Variants in VWA3B observed in about 807,000 individuals in gnomAD.
The protein encoded by VWA3B is von Willebrand factor A domain containing 3B.
In VWA3B, 138 loss-of-function variants were observed where a neutral mutation model predicts 158.3. That is an observed-to-expected ratio of 0.87 (90% CI 0.76 to 1.00). VWA3B has a LOEUF of 1.00. Among genes scored for constraint, VWA3B ranks in the 50% least tolerant of loss-of-function variants. The pLI, the probability that VWA3B is intolerant of heterozygous loss-of-function variation, is 0.00. For synonymous variants in VWA3B, 596 were observed against 587.3 expected (o/e 1.01, Z -0.21); for missense variants, 1,555 against 1,565.1 (o/e 0.99, Z 0.11).
chr2:98,117,212 G>C (rs1015345356), intron 3 of VWA3B, among the ~76,000 whole-genome samples: 3 of 152,324 alleles, frequency 2.0e-5, no homozygotes, highest in Admixed American at 6.5e-5. Flanking sequence ...TCTTGCACTG[G>C]TTCTTTCTCA....
At chr2:98,269,569 A>T (rs968180434) in intron 21 of VWA3B, 1 of 152,202 alleles carries the variant, frequency 6.6e-6, no homozygotes, top group Middle Eastern at 3.2e-3. Flanking sequence ...TCTTCTCCAA[A>T]GGAGGAGCCA....
At chr2:98,147,035 C>G (rs1677224517) in intron 7 of VWA3B, among the ~76,000 whole-genome samples, 1 of 152,126 alleles carries the variant, frequency 6.6e-6, no homozygotes, top group South Asian at 2.1e-4. Context: ...AATACTTAGC[C>G]CATCTATTCT....
At chr2:98,194,285 T>C in intron 11 of VWA3B, 76 bp from the exon 12 acceptor site, 1 of 1,467,746 alleles carries the variant, frequency 6.8e-7, no homozygotes. Flanking sequence ...GATTAAAATA[T>C]ATCAAACTGT....
At chr2:98,244,908 TCA>T (rs76672949) in intron 19 of VWA3B, among the ~76,000 whole-genome samples, 5,908 of 152,208 alleles carry the variant, frequency 0.039, 170 homozygotes, top group Middle Eastern at 0.075. Context: ...TCTAACAGAA[TCA>T]GCCCAAACTG....
At chr2:98,156,348 T>A (rs1389262475) in intron 7 of VWA3B, among the ~76,000 whole-genome samples, 2 of 152,198 alleles carry the variant, frequency 1.3e-5, no homozygotes, top group Non-Finnish European at 2.9e-5. Flanking sequence ...CTCCTAGAAC[T>A]TGCTCATTCC....
chr2:98,224,995 G>T (rs911861572), intron 14 of VWA3B, among the ~76,000 whole-genome samples: 1 of 152,156 alleles, frequency 6.6e-6, no homozygotes, highest in Non-Finnish European at 1.5e-5. Context: ...GCGCAGTGGT[G>T]CAATCTTGGC....
In VWA3B at chr2:98,129,324, GGAGA is replaced by G. The variant is rs144781077; in HGVS notation, c.872+926_872+929del. ...GAGGAGAGAGACATTGTGTGTGTGT[GGAGA>G]GAGAGAGAGCAGAGAGACGGAGAAA... On this transcript the variant is annotated intron_variant, in intron 6 of 27. Transcript: ENST00000477737. Among the ~76,000 whole-genome samples the G allele has an allele frequency of 1.0e-3, 158 of 151,104 alleles. 1 individual carries two copies. The highest frequency in any genetic ancestry group is 0.01 in the Middle Eastern group (3 of 292).
chr2:98,131,857 A>G (rs553579637), intron 6 of VWA3B, among the ~76,000 whole-genome samples: 27 of 152,186 alleles, frequency 1.8e-4, no homozygotes, highest in Non-Finnish European at 3.7e-4. Context: ...CAGGAATTCT[A>G]ATTTTCAAGA....
At chr2:98,242,755 A>G (rs563463336) in intron 19 of VWA3B, among the ~76,000 whole-genome samples, 1 of 149,606 alleles carries the variant, frequency 6.7e-6, no homozygotes, top group Non-Finnish European at 1.5e-5. Context: ...AGCATTTGCT[A>G]TCATCAAATA....
At chr2:98,284,370 C>G (rs1689048934) in intron 22 of VWA3B, among the ~76,000 whole-genome samples, 1 of 152,184 alleles carries the variant, frequency 6.6e-6, no homozygotes, top group Non-Finnish European at 1.5e-5. Context: ...ATGGCTACAA[C>G]AGAACCCAGT....
At chr2:98,233,176 A>G (rs779734587) in intron 16 of VWA3B, among the ~76,000 whole-genome samples, 2 of 152,148 alleles carry the variant, frequency 1.3e-5, no homozygotes, top group Non-Finnish European at 2.9e-5. Flanking sequence ...TTAATGGCCA[A>G]TTGTCACTGC....
intron 10 of VWA3B, among the ~76,000 whole-genome samples, chr2:98,188,474 T>A (rs1169438386): frequency 2.0e-5 from 3 of 152,062 alleles, no homozygotes; most frequent in Admixed American, 6.5e-5. Flanking sequence ...ACTTTTGTAT[T>A]CGCTAACCAA....
Position 98,231,699 on chromosome 2 carries a change from A to G in VWA3B, c.2308+1492A>G, listed in dbSNP as rs537025434. Among the ~76,000 whole-genome samples, 117 of 152,368 alleles carry G rather than the reference A, an allele frequency of 7.7e-4. 1 individual carries two copies. In the South Asian group the frequency reaches 7.9e-3, roughly 10 times the overall value. ...CATTTCTAGCTTTCTGAGAGTTTTT[A>G]TCATGAATGGATGCTGGATTTTATC... On this transcript the variant is annotated intron_variant, in intron 16 of 27. Coordinates refer to ENST00000477737, the MANE Select transcript of VWA3B (RefSeq NM_144992.5).
intron 21 of VWA3B, among the ~76,000 whole-genome samples, chr2:98,263,176 T>C (rs769777328): frequency 2.0e-5 from 3 of 151,938 alleles, no homozygotes; most frequent in Non-Finnish European, 4.4e-5. Context: ...GTGGAATCTT[T>C]AGGGTTTTCT....
chr2:98,252,456 G>C (rs551016286), intron 20 of VWA3B, among the ~76,000 whole-genome samples: 1 of 152,130 alleles, frequency 6.6e-6, no homozygotes, highest in East Asian at 1.9e-4. Context: ...CCTGATGCAG[G>C]GCCACGAGCT....
chr2:98,161,898 G>A (rs188210017), intron 7 of VWA3B, among the ~76,000 whole-genome samples: 199 of 152,208 alleles, frequency 1.3e-3, no homozygotes, highest in African/African-American at 3.9e-3. Flanking sequence ...GTAGAGACGG[G>A]GTTTCACCAT....
At chr2:98,269,927 A>T (rs537851435) in intron 21 of VWA3B, among the ~76,000 whole-genome samples, 1 of 152,312 alleles carries the variant, frequency 6.6e-6, no homozygotes, top group African/African-American at 2.4e-5. Flanking sequence ...CTCTTCCAAA[A>T]TCCAACATCT....
chr2:98,178,631 A>G (rs866633835), intron 8 of VWA3B, among the ~76,000 whole-genome samples: 1 of 152,328 alleles, frequency 6.6e-6, no homozygotes, highest in Middle Eastern at 3.4e-3. Flanking sequence ...GGGGTTACCA[A>G]GTCATAACTG....
At chr2:98,197,037 C>G (rs1291022761) in intron 12 of VWA3B, among the ~76,000 whole-genome samples, 1 of 152,122 alleles carries the variant, frequency 6.6e-6, no homozygotes, top group Non-Finnish European at 1.5e-5. Flanking sequence ...CACTAATGTT[C>G]CTTTTATGTT....
Sources: allele counts gnomAD v4.1 joint callset (sites outside exome capture counted in the v4.1 genomes callset), GRCh38; gene constraint gnomAD v4.1.1; transcripts MANE v1.5; gene names NCBI Gene and HGNC (gene_info 2026-07-23, HGNC 2026-07-21).